SCYL2: variants seen among roughly 807,000 people sequenced by gnomAD.
SCYL2 encodes SCY1-like protein 2.
A neutral mutation model predicts 100.4 loss-of-function variants in SCYL2; 36 were observed. That is an observed-to-expected ratio of 0.36 (90% CI 0.27 to 0.47). The LOEUF (loss-of-function observed/expected upper bound fraction) is 0.47. Among genes scored for constraint, SCYL2 ranks in the 20% least tolerant of loss-of-function variants. The probability of loss-of-function intolerance (pLI) is 1.00; values close to 1 mark genes in which losing one functional copy is unlikely to be tolerated. For synonymous variants in SCYL2, 330 were observed against 359.2 expected, an observed-to-expected ratio of 0.92 and a Z score of 0.92; for missense variants, 902 against 1,083.9, an observed-to-expected ratio of 0.83 and a Z score of 2.36.
chr12:100,268,194 C>T (rs962043575), intron 1 of SCYL2, among the ~76,000 whole-genome samples: 4 of 152,152 alleles, frequency 2.6e-5, no homozygotes, highest in African/African-American at 9.7e-5. Context: ...TTTTTTAGTA[C>T]GTCAAACTCA....
At chr12:100,296,162 C>G (rs1477426594) in intron 3 of SCYL2, among the ~76,000 whole-genome samples, 1 of 152,120 alleles carries the variant, frequency 6.6e-6, no homozygotes, top group Non-Finnish European at 1.5e-5. Flanking sequence ...AGAGACAATT[C>G]AAAGATTACT....
At position 100,287,240 on chromosome 12, in the gene SCYL2, A is replaced by G. The variant is rs1297480768; in HGVS notation, c.177+4093A>G. Among the ~76,000 whole-genome samples, 12 of 152,352 alleles carry G rather than the reference A, an allele frequency of 7.9e-5. No homozygotes were observed. The East Asian group carries it at 2.1e-3, about 27-fold the overall frequency. ...AGTATCTTGTTATCAACAGAGCTCAACTTTGTAGTAAGCAAAATAGCTTCT... is the reference window on the plus strand; with the variant it reads ...AGTATCTTGTTATCAACAGAGCTCAGCTTTGTAGTAAGCAAAATAGCTTCT... On this transcript the variant is annotated intron_variant, in intron 2 of 17. Coordinates refer to ENST00000360820, the MANE Select transcript of SCYL2 (RefSeq NM_017988.6).
chr12:100,280,590 T>C, intron 1 of SCYL2, among the ~76,000 whole-genome samples: 1 of 152,316 alleles, frequency 6.6e-6, no homozygotes, highest in East Asian at 1.9e-4. Context: ...CTATTTTAAT[T>C]TACCAAAGGA....
At chr12:100,310,940 A>T (rs1187312375) in intron 4 of SCYL2, 104 bp from the exon 5 acceptor site, 1 of 1,158,334 alleles carries the variant, frequency 8.6e-7, no homozygotes, top group Non-Finnish European at 1.2e-6. Context: ...TGACACGCAA[A>T]ACTTTTATTG....
At chr12:100,313,826 T>C (rs1302508902) in intron 7 of SCYL2, among the ~76,000 whole-genome samples, 1 of 152,140 alleles carries the variant, frequency 6.6e-6, no homozygotes, top group Non-Finnish European at 1.5e-5. Context: ...AGTAAACAGA[T>C]GTTCTAGACT....
intron 9 of SCYL2, among the ~76,000 whole-genome samples, chr12:100,316,424 G>C (rs555486756): frequency 6.6e-6 from 1 of 152,306 alleles, no homozygotes; most frequent in African/African-American, 2.4e-5. Context: ...AAAATGAAAA[G>C]GATTGTTGAG....
chr12:100,280,269 T>A (rs1409761220), intron 1 of SCYL2, among the ~76,000 whole-genome samples: 1 of 152,262 alleles, frequency 6.6e-6, no homozygotes, highest in Non-Finnish European at 1.5e-5. Context: ...TTTAAATGTA[T>A]GAAATAAAAT....
chr12:100,328,064 G>A (rs1040993169), intron 12 of SCYL2, among the ~76,000 whole-genome samples: 2 of 152,094 alleles, frequency 1.3e-5, no homozygotes, highest in African/African-American at 4.8e-5. Flanking sequence ...GATCACTTGA[G>A]CCCAGGAGTT....
intron 1 of SCYL2, among the ~76,000 whole-genome samples, chr12:100,282,222 G>A (rs369603883): frequency 0.069 from 8,219 of 118,942 alleles, 715 homozygotes; most frequent in Middle Eastern, 0.11. Flanking sequence ...ATGGTTTTTC[G>A]CCACATTGGC....
intron 2 of SCYL2, among the ~76,000 whole-genome samples, chr12:100,291,298 G>A (rs540313080): frequency 1.3e-5 from 2 of 152,188 alleles, no homozygotes; most frequent in South Asian, 4.1e-4. Context: ...GGTTTTTCCT[G>A]TGTTCTTTAG....
At chr12:100,281,970 A>G (rs2096299065) in intron 1 of SCYL2, among the ~76,000 whole-genome samples, 1 of 152,206 alleles carries the variant, frequency 6.6e-6, no homozygotes, top group African/African-American at 2.4e-5. Flanking sequence ...AGAAAAAATA[A>G]GAATAAATGT....
intron 3 of SCYL2, among the ~76,000 whole-genome samples, chr12:100,295,081 C>T (rs2096317559): frequency 6.8e-6 from 1 of 148,136 alleles, no homozygotes; most frequent in African/African-American, 2.5e-5. Context: ...CAGAGGCGCT[C>T]CCCACATCTC....
intron 1 of SCYL2, among the ~76,000 whole-genome samples, chr12:100,269,124 G>A (rs1467481132): frequency 1.3e-5 from 2 of 152,114 alleles, no homozygotes; most frequent in East Asian, 3.9e-4. Context: ...AAATCTTTCA[G>A]TGGCTTCTCA....
chr12:100,294,789 C>T (rs868676370), intron 3 of SCYL2, among the ~76,000 whole-genome samples: 2,053 of 136,562 alleles, frequency 0.015, 47 homozygotes, highest in African/African-American at 0.045. Flanking sequence ...GCTGGCCGGG[C>T]GGGGGGCTGA....
At chr12:100,286,490 G>T (rs1401282178) in intron 2 of SCYL2, among the ~76,000 whole-genome samples, 5 of 151,982 alleles carry the variant, frequency 3.3e-5, no homozygotes, top group Admixed American at 6.6e-5. Context: ...AGAAAATAGG[G>T]TAGGTTTGTG....
chr12:100,282,891 G>T, intron 1 of SCYL2, 52 bp from the exon 2 acceptor site: 1 of 826,392 alleles, frequency 1.2e-6, no homozygotes. Flanking sequence ...ATGAATAAAT[G>T]CTTATATAGA....
intron 9 of SCYL2, 55 bp from the exon 10 acceptor site, chr12:100,317,748 A>G (rs1205497905): frequency 1.3e-6 from 2 of 1,533,542 alleles, no homozygotes; most frequent in Non-Finnish European, 1.7e-6. Context: ...TTTGGCATAT[A>G]TTGAATCTTT....
intron 4 of SCYL2, among the ~76,000 whole-genome samples, chr12:100,303,239 C>T (rs2096329947): frequency 1.3e-5 from 2 of 152,212 alleles, no homozygotes; most frequent in East Asian, 1.9e-4. Flanking sequence ...CTTCTGAAGC[C>T]TACTTCTGTC....
intron 4 of SCYL2, among the ~76,000 whole-genome samples, chr12:100,308,438 G>A (rs1375319471): frequency 3.9e-5 from 6 of 152,102 alleles, no homozygotes; most frequent in African/African-American, 1.4e-4. Flanking sequence ...GTTGAACAGT[G>A]AGAACACATG....
Sources: gnomAD v4.1 joint callset for allele counts (sites outside exome capture counted in the v4.1 genomes callset) on GRCh38, gnomAD v4.1.1 for gene constraint, MANE v1.5 for transcripts, NCBI Gene and HGNC (gene_info 2026-07-23, HGNC 2026-07-21) for gene names.